SLC5A7: variants seen among roughly 807,000 people sequenced by gnomAD.
SLC5A7 encodes high affinity choline transporter 1.
A neutral mutation model predicts 55.4 loss-of-function variants in SLC5A7; 19 were observed. That is an observed-to-expected ratio of 0.34 (90% CI 0.24 to 0.50). The LOEUF is 0.50. Ranked by LOEUF, SLC5A7 falls within the 20% of genes least tolerant of loss-of-function variation. The pLI is 0.98. For missense variants in SLC5A7, 506 were observed against 705.3 expected, an observed-to-expected ratio of 0.72 and a Z score of 3.20; for synonymous variants, 265 against 263.7, an observed-to-expected ratio of 1.00 and a Z score of -0.05.
chr2:107,987,171 T>G (rs1331729979), intron 1 of SLC5A7, among the ~76,000 whole-genome samples: 1 of 151,974 alleles, frequency 6.6e-6, no homozygotes, highest in Admixed American at 6.6e-5. Context: ...CAGAAACTTG[T>G]ATGTGAGAGT....
intron 2 of SLC5A7, 56 bp from the exon 3 acceptor site, chr2:107,992,050 G>C (rs1171682822): frequency 1.8e-6 from 2 of 1,097,198 alleles, no homozygotes; most frequent in Admixed American, 3.7e-5. Flanking sequence ...TTGGCAGGCA[G>C]ATGTAGGTAT....
At chr2:107,994,440 A>G (rs552098881) in intron 4 of SLC5A7, among the ~76,000 whole-genome samples, 8 of 152,144 alleles carry the variant, frequency 5.3e-5, no homozygotes, top group East Asian at 3.9e-4. Context: ...AAAATTAGCC[A>G]GGCGTGGTGG....
chr2:107,996,826 T>C (rs1677687905), intron 4 of SLC5A7, among the ~76,000 whole-genome samples: 1 of 152,220 alleles, frequency 6.6e-6, no homozygotes, highest in South Asian at 2.1e-4. Flanking sequence ...CTTAAAAATA[T>C]GATATTCAAA....
At chr2:108,002,274 G>C (rs1018757237) in intron 6 of SLC5A7, among the ~76,000 whole-genome samples, 2 of 152,038 alleles carry the variant, frequency 1.3e-5, no homozygotes, top group Non-Finnish European at 2.9e-5. Flanking sequence ...TGGGTGGTGG[G>C]TCCTCATTTC....
chr2:107,989,588 G>A (rs1205974018), intron 2 of SLC5A7, among the ~76,000 whole-genome samples: 2 of 152,182 alleles, frequency 1.3e-5, no homozygotes, highest in Non-Finnish European at 2.9e-5. Flanking sequence ...ACAAGGACCA[G>A]GGCTGGAGCC....
At chr2:108,002,511 CAA>C (rs1004962075) in intron 6 of SLC5A7, among the ~76,000 whole-genome samples, 8 of 149,912 alleles carry the variant, frequency 5.3e-5, no homozygotes, top group African/African-American at 2.0e-4. Flanking sequence ...GGAAAGATGC[CAA>C]GAGAGAGGCC....
intron 7 of SLC5A7, among the ~76,000 whole-genome samples, chr2:108,007,103 C>T (rs1331950151): frequency 1.3e-5 from 2 of 152,044 alleles, no homozygotes; most frequent in South Asian, 2.1e-4. Context: ...CTTTATGTTC[C>T]GGTGCTGTAA....
chr2:108,010,647 A>T lies in SLC5A7; in HGVS notation c.1529A>T (p.Lys510Ile), dbSNP rs199693962. ...YLFESGTLPP[K>I]LDVFDAVVAR... Reference sequence around the variant, plus strand: ...TTTGAAAGTGGAACCTTGCCACCTAAATTAGATGTATTTGATGCTGTTGTT... The same window carrying T: ...TTTGAAAGTGGAACCTTGCCACCTATATTAGATGTATTTGATGCTGTTGTT... The change falls in exon 9 of 9, where the codon AAA (lysine) becomes ATA (isoleucine). Residue 510 changes from lysine to isoleucine, a missense_variant. By Grantham distance (102) the Lys-to-Ile change is moderately radical. Around this residue, in one of 4 missense-constraint regions of SLC5A7, gnomAD observed 137 missense variants for 143.6 expected, o/e 0.95. Transcript: ENST00000264047. The T allele has an allele frequency of 6.2e-7, 1 of 1,613,912 alleles. No homozygotes were observed. Among genetic ancestry groups the T allele is most frequent in the Non-Finnish European group, 8.5e-7 (1 of 1,179,932 alleles).
intron 6 of SLC5A7, among the ~76,000 whole-genome samples, 173 bp downstream of exon 6, chr2:108,002,213 G>A (rs549399953): frequency 6.6e-6 from 1 of 152,266 alleles, no homozygotes; most frequent in East Asian, 1.9e-4. Flanking sequence ...GTGGCTGGCA[G>A]TGTCAGGGTG....
Position 108,008,565 on chromosome 2 carries a change from T to C in SLC5A7, c.996T>C (p.Ile332=). 1.2e-6 allele frequency: 2 copies of C among 1,613,654 alleles called. No homozygotes were observed. Among genetic ancestry groups the C allele is most frequent in the Non-Finnish European group, 1.7e-6 (2 of 1,179,834 alleles). ...IVLQYLCPVY[I]SFFGLGAVSA... ...TGCAGTATCTCTGCCCTGTGTATAT[T>C]TCTTTCTTTGGTCTTGGTGCAGTTT... The change falls in exon 8 of 9, where the codon ATT becomes ATC. Residue 332 remains isoleucine, a synonymous_variant. Coordinates refer to ENST00000264047, the MANE Select transcript of SLC5A7 (RefSeq NM_021815.5).
rs142339287 is a variant in SLC5A7 at position 108,010,484 on chromosome 2, C to A, written c.1366C>A (p.Leu456Ile). The change falls in exon 9 of 9, where the codon CTT (leucine) becomes ATT (isoleucine). Residue 456 changes from leucine to isoleucine, a missense_variant. Physicochemically the swap from Leu to Ile is conservative, Grantham distance 5. This residue lies in a region of SLC5A7 where 309 missense variants were observed against 478.6 expected (regional missense o/e 0.65). Transcript: ENST00000264047. ...RITGGEPYLY[L>I]QPLIFYPGYY... ...AACTGGAGGGGAGCCATATCTGTAT[C>A]TTCAGCCCTTGATCTTCTACCCTGG... 6.2e-7 allele frequency: 1 copy of A among 1,613,836 alleles called. No homozygotes were observed. Among genetic ancestry groups the A allele is most frequent in the Non-Finnish European group, 8.5e-7 (1 of 1,179,906 alleles).
intron 7 of SLC5A7, 85 bp downstream of exon 7, chr2:108,006,287 C>T (rs930115517): frequency 2.9e-5 from 43 of 1,465,754 alleles, no homozygotes. Context: ...CCCCTCTTTC[C>T]TCCACATAGT....
At chr2:107,991,474 A>C (rs762075637) in intron 2 of SLC5A7, among the ~76,000 whole-genome samples, 133 of 152,298 alleles carry the variant, frequency 8.7e-4, no homozygotes, top group Non-Finnish European at 1.8e-3. Context: ...AACTTAAGGT[A>C]GTAAGTACAA....
chr2:108,007,708 G>C (rs1301147967), intron 7 of SLC5A7, among the ~76,000 whole-genome samples: 2 of 152,092 alleles, frequency 1.3e-5, no homozygotes, highest in Non-Finnish European at 1.5e-5. Flanking sequence ...GATCCAAAGA[G>C]AACAATTCCT....
At chr2:107,992,296 C>G in intron 3 of SLC5A7, 77 bp downstream of exon 3, 1 of 799,098 alleles carries the variant, frequency 1.3e-6, no homozygotes. Flanking sequence ...AGTGGAATAA[C>G]AAGTCAAACA....
chr2:108,007,340 A>G (rs1373015350), intron 7 of SLC5A7, among the ~76,000 whole-genome samples: 1 of 152,038 alleles, frequency 6.6e-6, no homozygotes, highest in Non-Finnish European at 1.5e-5. Flanking sequence ...TACACTCTCC[A>G]TTCCAGTTGT....
At chr2:107,988,776 T>C (rs1411172720) in intron 2 of SLC5A7, among the ~76,000 whole-genome samples, 1 of 152,208 alleles carries the variant, frequency 6.6e-6, no homozygotes, top group Non-Finnish European at 1.5e-5. Flanking sequence ...ATGAATACCA[T>C]CTAGTGATGG....
At chr2:107,999,477 A>G (rs758921332) in intron 5 of SLC5A7, among the ~76,000 whole-genome samples, 1 of 152,220 alleles carries the variant, frequency 6.6e-6, no homozygotes, top group Admixed American at 6.5e-5. Context: ...CAAGTATGCA[A>G]GTGTAAAGAT....
In SLC5A7 at chr2:108,000,891, G is replaced by A. The variant is rs116847713; in HGVS notation, c.598-1006G>A. The stretch of plus-strand genomic sequence containing the variant: ...ATTACAGGCCTGAGCCACAGTGCTC[G>A]GCACCATTTATTTATTTATTTTTTA... On this transcript the variant is annotated intron_variant, in intron 5 of 8. Coordinates refer to ENST00000264047, the MANE Select transcript of SLC5A7 (RefSeq NM_021815.5). Among the ~76,000 whole-genome samples the A allele has an allele frequency of 3.7e-4, 56 of 151,004 alleles. No homozygotes were observed. In the East Asian group the frequency reaches 9.9e-3, roughly 27 times the overall value.
Sources: gnomAD v4.1 joint callset for allele counts (sites outside exome capture counted in the v4.1 genomes callset) on GRCh38, gnomAD v4.1.1 for gene constraint, gnomAD v4.1.1 regional missense constraint, MANE v1.5 for transcripts, NCBI Gene and HGNC (gene_info 2026-07-23, HGNC 2026-07-21) for gene names.